Variants in RIC1 observed in about 807,000 individuals in gnomAD.
The protein encoded by RIC1 is RIC1 partner of RAB6A GEF complex, also known as guanine nucleotide exchange factor subunit RIC1.
A neutral mutation model predicts 169.0 loss-of-function variants in RIC1; 88 were observed. The observed-to-expected ratio is 0.52, with a 90% CI of 0.44 to 0.62. The LOEUF (loss-of-function observed/expected upper bound fraction) is 0.62. Ranked by LOEUF, RIC1 falls within the 20% of genes least tolerant of loss-of-function variation. The pLI, the probability that RIC1 is intolerant of heterozygous loss-of-function variation, is 0.00. For synonymous variants in RIC1, 790 were observed against 601.5 expected (o/e 1.31, Z -4.59); for missense variants, 1,877 against 1,725.5 (o/e 1.09, Z -1.56).
At chr9:5,688,077 T>G (rs1238118169) in intron 2 of RIC1, among the ~76,000 whole-genome samples, 1 of 152,236 alleles carries the variant, frequency 6.6e-6, no homozygotes, top group Non-Finnish European at 1.5e-5. Flanking sequence ...TTGCCTAACC[T>G]TTGGAACATA....
At chr9:5,643,176 G>A (rs1818334192) in intron 1 of RIC1, among the ~76,000 whole-genome samples, 1 of 152,062 alleles carries the variant, frequency 6.6e-6, no homozygotes, top group Admixed American at 6.5e-5. Context: ...CCATGGTGGT[G>A]CATGCCTGTG....
At chr9:5,764,120 T>A (rs1233027805) in intron 19 of RIC1, among the ~76,000 whole-genome samples, 1 of 152,232 alleles carries the variant, frequency 6.6e-6, no homozygotes, top group Non-Finnish European at 1.5e-5. Flanking sequence ...TTTGAAATTT[T>A]AATATATTGA....
At chr9:5,762,996 A>T (rs1407980165) in intron 18 of RIC1, 144 bp from the exon 19 acceptor site, 1 of 983,118 alleles carries the variant, frequency 1.0e-6, no homozygotes, top group Non-Finnish European at 1.5e-6. Context: ...ACTTTTATTA[A>T]CTCTAATTCT....
chr9:5,751,788 T>C (rs1825740164), intron 12 of RIC1, among the ~76,000 whole-genome samples: 3 of 152,272 alleles, frequency 2.0e-5, no homozygotes, highest in South Asian at 2.1e-4. Flanking sequence ...CAAACAGTTT[T>C]ATCAAATTTT....
intron 2 of RIC1, among the ~76,000 whole-genome samples, chr9:5,669,698 A>T (rs536242310): frequency 6.6e-6 from 1 of 152,346 alleles, no homozygotes; most frequent in Non-Finnish European, 1.5e-5. Context: ...GGAACACTGC[A>T]GTGGGTTCTT....
chr9:5,641,508 T>G (rs1374781085), intron 1 of RIC1, among the ~76,000 whole-genome samples: 1 of 152,170 alleles, frequency 6.6e-6, no homozygotes, highest in Non-Finnish European at 1.5e-5. Flanking sequence ...TTGAATGAAC[T>G]TTCTACTCCG....
chr9:5,682,961 A>G (rs1476684167), intron 2 of RIC1, among the ~76,000 whole-genome samples: 3 of 152,130 alleles, frequency 2.0e-5, no homozygotes, highest in Non-Finnish European at 2.9e-5. Flanking sequence ...CGCATCGGCT[A>G]CTGAGGCTTG....
intron 6 of RIC1, among the ~76,000 whole-genome samples, chr9:5,726,353 T>G (rs1167494071): frequency 6.6e-6 from 1 of 152,236 alleles, no homozygotes; most frequent in East Asian, 1.9e-4. Context: ...AAAGTCTGTT[T>G]TATCAGATAC....
At chr9:5,716,125 T>C (rs1823228984) in intron 4 of RIC1, among the ~76,000 whole-genome samples, 1 of 151,802 alleles carries the variant, frequency 6.6e-6, no homozygotes, top group Non-Finnish European at 1.5e-5. Flanking sequence ...ATTGCAGGTG[T>C]TGAGCCACCA....
intron 2 of RIC1, among the ~76,000 whole-genome samples, chr9:5,664,452 G>A (rs942813270): frequency 6.6e-6 from 1 of 151,724 alleles, no homozygotes; most frequent in Non-Finnish European, 1.5e-5. Context: ...AATCTCTTCT[G>A]GCTTTTAGGG....
intron 1 of RIC1, among the ~76,000 whole-genome samples, chr9:5,655,418 A>G (rs1223054853): frequency 6.6e-6 from 1 of 152,110 alleles, no homozygotes; most frequent in African/African-American, 2.4e-5. Context: ...CTCCTGCCTC[A>G]GCCTCCCAAA....
intron 1 of RIC1, among the ~76,000 whole-genome samples, chr9:5,630,754 A>ATG (rs147157983): frequency 1.3e-5 from 2 of 152,148 alleles, no homozygotes; most frequent in African/African-American, 2.4e-5. Flanking sequence ...ATATGTATGT[A>ATG]TGTGTGTGTG....
At chr9:5,740,716 AT>A (rs1465617155) in intron 8 of RIC1, among the ~76,000 whole-genome samples, 1 of 151,268 alleles carries the variant, frequency 6.6e-6, no homozygotes, top group Non-Finnish European at 1.5e-5. Context: ...AGCTGATTAG[AT>A]TGTGCCCACC....
At chr9:5,662,068 T>C (rs917037159) in intron 2 of RIC1, among the ~76,000 whole-genome samples, 1 of 152,252 alleles carries the variant, frequency 6.6e-6, no homozygotes, top group Non-Finnish European at 1.5e-5. Context: ...TAAAGACCTT[T>C]TCCGCATCTA....
intron 11 of RIC1, 146 bp downstream of exon 11, chr9:5,746,229 T>A: frequency 2.0e-6 from 1 of 506,368 alleles, no homozygotes; most frequent in Non-Finnish European, 3.2e-6. Flanking sequence ...TAATTTATAT[T>A]AAATTTATAC....
chr9:5,696,090 T>A (rs1563908137), intron 3 of RIC1, among the ~76,000 whole-genome samples: 2 of 152,204 alleles, frequency 1.3e-5, no homozygotes, highest in African/African-American at 4.8e-5. Flanking sequence ...GATTAGAGTT[T>A]TCCAGTGCCT....
chr9:5,635,653 A>ATCGTAATCC (rs1295322557), intron 1 of RIC1, among the ~76,000 whole-genome samples: 1 of 152,082 alleles, frequency 6.6e-6, no homozygotes, highest in Non-Finnish European at 1.5e-5. Context: ...TTCATCTCTA[A>ATCGTAATCC]TCGTAATCCT....
chr9:5,683,304 T>A (rs1417631087), intron 2 of RIC1, among the ~76,000 whole-genome samples: 2 of 152,314 alleles, frequency 1.3e-5, no homozygotes, highest in Middle Eastern at 3.4e-3. Context: ...TTGATGATGG[T>A]GACGTACAGG....
At chr9:5,688,528 C>T in intron 2 of RIC1, among the ~76,000 whole-genome samples, 1 of 152,218 alleles carries the variant, frequency 6.6e-6, no homozygotes, top group South Asian at 2.1e-4. Context: ...CTTCCATACT[C>T]TCCATATTGC....
Sources: allele counts gnomAD v4.1 joint callset (sites outside exome capture counted in the v4.1 genomes callset), GRCh38; gene constraint gnomAD v4.1.1; transcripts MANE v1.5; gene names NCBI Gene and HGNC (gene_info 2026-07-23, HGNC 2026-07-21).